Variants in RGS13 observed in about 807,000 individuals in gnomAD.
The protein encoded by RGS13 is regulator of G-protein signalling 13.
In RGS13, 14 loss-of-function variants were observed where a neutral mutation model predicts 19.9. The ratio of observed to expected loss-of-function variants is 0.70; its 90% CI spans 0.46 to 1.10. The LOEUF (loss-of-function observed/expected upper bound fraction) is 1.10. Among genes scored for constraint, RGS13 ranks in the 50% least tolerant of loss-of-function variants. RGS13 has a pLI of 0.00. For synonymous variants in RGS13, 60 were observed against 56.8 expected, an observed-to-expected ratio of 1.06 and a Z score of -0.25; for missense variants, 205 against 187.1, an observed-to-expected ratio of 1.10 and a Z score of -0.56.
intron 5 of RGS13, among the ~76,000 whole-genome samples, chr1:192,651,478 A>T (rs1487742102): frequency 6.6e-6 from 1 of 152,086 alleles, no homozygotes; most frequent in Non-Finnish European, 1.5e-5. Flanking sequence ...TACTAGTTAT[A>T]TTTGGGAAAT....
At chr1:192,638,505 G>C (rs1311057209) in intron 3 of RGS13, among the ~76,000 whole-genome samples, 1 of 152,052 alleles carries the variant, frequency 6.6e-6, no homozygotes, top group Non-Finnish European at 1.5e-5. Context: ...CAACAAAATA[G>C]TGGTACATGG....
chr1:192,649,978 C>T (rs1663306537), intron 5 of RGS13, among the ~76,000 whole-genome samples: 1 of 151,986 alleles, frequency 6.6e-6, no homozygotes, highest in South Asian at 2.1e-4. Context: ...TTTCAAACCC[C>T]TGAGAGACTG....
rs200314337 is a variant in RGS13 at position 192,642,322 on chromosome 1, C to CTT, written c.-4-1993_-4-1992dup. On this transcript the variant is annotated intron_variant, in intron 3 of 6. Transcript: ENST00000391995. Reference sequence around the variant, plus strand: ...TCTAAATTCATGTGGAACATAATTCCTTTTTTTTTTTTTTTTTGAGATAAG... The same window carrying CTT: ...TCTAAATTCATGTGGAACATAATTCCTTTTTTTTTTTTTTTTTTTGAGATAAG... Among the ~76,000 whole-genome samples the CTT allele has an allele frequency of 5.3e-3, 728 of 136,580 alleles. 1 individual carries two copies. The highest frequency in any genetic ancestry group is 9.2e-3 in the Non-Finnish European group (586 of 63,768). The allele number at this position is 136,580 out of a possible 152,430, so 89.6% of individuals were successfully genotyped here.
chr1:192,648,318 C>A (rs1000298691), intron 5 of RGS13, among the ~76,000 whole-genome samples: 5 of 152,238 alleles, frequency 3.3e-5, no homozygotes, highest in African/African-American at 1.2e-4. Flanking sequence ...GTTCTTGCTG[C>A]CTTCAAAAGT....
intron 3 of RGS13, among the ~76,000 whole-genome samples, chr1:192,641,254 A>AAAGAAAGAAAAGAAAG (rs1553257010): frequency 1.2e-4 from 8 of 67,388 alleles, no homozygotes; most frequent in African/African-American, 3.6e-4. Flanking sequence ...GAAAAGAAAG[A>AAAGAAAGAAAAGAAAG]AAAGAAAGAA....
intron 3 of RGS13, among the ~76,000 whole-genome samples, chr1:192,642,225 T>G (rs12046652): frequency 0.033 from 5,045 of 152,248 alleles, 218 homozygotes; most frequent in East Asian, 0.11. Context: ...GTGAACATTT[T>G]TAAACATGAT....
At position 192,659,504 on chromosome 1, in the gene RGS13, A is replaced by G; in HGVS notation, c.461A>G (p.Gln154Arg). Residue 154 changes from glutamine to arginine, a missense_variant, in exon 7 of 7, where the codon CAG becomes CGG. By Grantham distance (43) the Gln-to-Arg change is conservative. Transcript: ENST00000391995. ...EMYQKLLKTMQSNNSF is the reference protein window; with the variant it reads ...EMYQKLLKTMRSNNSF ...TACCAAAAACTTTTGAAAACTATGC[A>G]GTCCAACAACAGTTTCTGACTACAA... 6.2e-7 allele frequency: 1 copy of G among 1,611,486 alleles called. No homozygotes were observed. Among genetic ancestry groups the G allele is most frequent in the Non-Finnish European group, 8.5e-7 (1 of 1,178,838 alleles).
intron 3 of RGS13, among the ~76,000 whole-genome samples, chr1:192,639,951 A>C (rs879911421): frequency 5.3e-5 from 8 of 152,198 alleles, no homozygotes; most frequent in Non-Finnish European, 1.0e-4. Flanking sequence ...TTATAAAAGA[A>C]AATATGATAA....
At position 192,659,627 on chromosome 1, in the gene RGS13, G is replaced by A; in HGVS notation, c.*104G>A. ...TCAGAAACACAGTACAAATAAAACA[G>A]AAATCAAACTATAAGTTGACTTTTA... On this transcript the variant is annotated 3_prime_UTR_variant, in exon 7 of 7. Transcript: ENST00000391995. 2.6e-6 allele frequency: 2 copies of A among 771,096 alleles called. No individual in the cohort carries two copies. The highest frequency in any genetic ancestry group is 1.9e-5 in the South Asian group (1 of 52,832). The allele number at this position is 771,096 out of a possible 1,614,324, so 47.8% of individuals were successfully genotyped here. A position where few individuals can be genotyped will look rare whatever the true frequency, so the allele number is the denominator to read the frequency against.
intron 3 of RGS13, among the ~76,000 whole-genome samples, chr1:192,641,904 A>G (rs1260095754): frequency 6.6e-6 from 1 of 152,098 alleles, no homozygotes; most frequent in African/African-American, 2.4e-5. Flanking sequence ...CAATGGGTCA[A>G]CAAGTTCTAA....
chr1:192,644,613 A>G, intron 4 of RGS13: 1 of 483,266 alleles, frequency 2.1e-6, no homozygotes, highest in Non-Finnish European at 3.7e-6. Context: ...AGCAAGTTAA[A>G]TGCTTTAGAA....
In RGS13 at chr1:192,659,503, C is replaced by A. The variant is rs768645181; in HGVS notation, c.460C>A (p.Gln154Lys). The change falls in exon 7 of 7, where the codon CAG (glutamine) becomes AAG (lysine). Residue 154 changes from glutamine (Q) to lysine (K), a missense_variant. Physicochemically the swap from Gln to Lys is moderately conservative, Grantham distance 53 (BLOSUM62 1). Coordinates refer to ENST00000391995, the MANE Select transcript of RGS13 (RefSeq NM_002927.5). ...EMYQKLLKTM[Q>K]SNNSF is the part of the protein sequence containing the mutation. Reference sequence around the variant, plus strand: ...GTACCAAAAACTTTTGAAAACTATGCAGTCCAACAACAGTTTCTGACTACA... The same window carrying A: ...GTACCAAAAACTTTTGAAAACTATGAAGTCCAACAACAGTTTCTGACTACA... The A allele has an allele frequency of 6.2e-7, 1 of 1,610,830 alleles. No individual in the cohort carries two copies. The highest frequency in any genetic ancestry group is 1.3e-5 in the African/African-American group (1 of 74,744).
chr1:192,655,771 A>G (rs1663426651), intron 5 of RGS13, among the ~76,000 whole-genome samples: 1 of 152,086 alleles, frequency 6.6e-6, no homozygotes, highest in African/African-American at 2.4e-5. Flanking sequence ...AGAATACCAT[A>G]TATCCATGCA....
intron 1 of RGS13, among the ~76,000 whole-genome samples, chr1:192,636,560 G>A (rs1029953262): frequency 6.6e-6 from 1 of 151,910 alleles, no homozygotes; most frequent in African/African-American, 2.4e-5. Flanking sequence ...AAATGCTACA[G>A]TTTTAAAGTA....
chr1:192,658,031 C>T (rs1043811282), intron 5 of RGS13, among the ~76,000 whole-genome samples, 170 bp from the exon 6 acceptor site: 1 of 152,028 alleles, frequency 6.6e-6, no homozygotes, highest in Non-Finnish European at 1.5e-5. Context: ...TTCAGATGTT[C>T]GCTCTAAGTG....
Position 192,656,348 on chromosome 1 carries a change from T to G in RGS13, c.128-1853T>G, listed in dbSNP as rs191016297. Among the ~76,000 whole-genome samples, 12 of 143,904 alleles carry G rather than the reference T, an allele frequency of 8.3e-5. No individual in the cohort carries two copies. The East Asian group carries it at 1.7e-3, about 21-fold the overall frequency. The allele number at this position is 143,904 out of a possible 152,430, so 94.4% of individuals were successfully genotyped here. A position where few individuals can be genotyped will look rare whatever the true frequency, so the allele number is the denominator to read the frequency against. ...GCCAGAAACAGCTTAACATTCTGTT[T>G]TTTTTTTTTTATTTGTTCATTTGTT... On this transcript the variant is annotated intron_variant, in intron 5 of 6. Transcript: ENST00000391995.
chr1:192,650,848 T>C (rs971236654), intron 5 of RGS13, among the ~76,000 whole-genome samples: 1 of 151,998 alleles, frequency 6.6e-6, no homozygotes, highest in African/African-American at 2.4e-5. Flanking sequence ...TATTTAAATA[T>C]CAAAGATTTT....
intron 5 of RGS13, among the ~76,000 whole-genome samples, chr1:192,657,402 A>G (rs1348357778): frequency 6.6e-6 from 1 of 152,100 alleles, no homozygotes; most frequent in African/African-American, 2.4e-5. Flanking sequence ...CCTCTTTTTC[A>G]AATATTACTA....
intron 5 of RGS13, among the ~76,000 whole-genome samples, chr1:192,653,083 T>C (rs1251942079): frequency 1.3e-5 from 2 of 151,966 alleles, no homozygotes; most frequent in Non-Finnish European, 2.9e-5. Flanking sequence ...ACCTCAAAAT[T>C]CATAAACAAA....
Sources: allele counts gnomAD v4.1 joint callset (sites outside exome capture counted in the v4.1 genomes callset), GRCh38; gene constraint gnomAD v4.1.1; transcripts MANE v1.5; gene names NCBI Gene and HGNC (gene_info 2026-07-23, HGNC 2026-07-21).